Variants in FMN1 observed in about 807,000 individuals in gnomAD.
The protein encoded by FMN1 is formin 1.
In FMN1, 110 loss-of-function variants were observed where a neutral mutation model predicts 132.4. The ratio of observed to expected loss-of-function variants is 0.83; its 90% CI spans 0.71 to 0.97. The LOEUF (loss-of-function observed/expected upper bound fraction) is 0.97. FMN1 is among the 50% of genes least tolerant of loss of function. The pLI, the probability that FMN1 is intolerant of heterozygous loss-of-function variation, is 0.00. For synonymous variants in FMN1, 722 were observed against 651.7 expected (o/e 1.11, Z -1.64); for missense variants, 1,792 against 1,705.3 (o/e 1.05, Z -0.90).
chr15:32,944,235 G>C (rs1398712949), intron 9 of FMN1, among the ~76,000 whole-genome samples: 1 of 152,184 alleles, frequency 6.6e-6, no homozygotes, highest in Non-Finnish European at 1.5e-5. Context: ...CAGTTTCCTT[G>C]GTCCCCTTCT....
intron 4 of FMN1, among the ~76,000 whole-genome samples, chr15:33,104,220 G>C (rs752996335): frequency 6.6e-6 from 1 of 152,076 alleles, no homozygotes; most frequent in Admixed American, 6.6e-5. Context: ...GCACAAATTT[G>C]TCAATAATGG....
chr15:33,081,751 C>T (rs1249874072), intron 5 of FMN1, among the ~76,000 whole-genome samples: 1 of 152,162 alleles, frequency 6.6e-6, no homozygotes, highest in African/African-American at 2.4e-5. Context: ...CTGATTTGTA[C>T]AGTATGTATA....
intron 4 of FMN1, among the ~76,000 whole-genome samples, chr15:33,110,950 C>T (rs345765): frequency 0.71 from 108,095 of 152,006 alleles, 38,770 homozygotes; most frequent in East Asian, 0.85. Context: ...TGCCTTTGTA[C>T]AGCAATTATG....
chr15:33,071,842 T>C (rs1183887601), intron 5 of FMN1, among the ~76,000 whole-genome samples: 1 of 152,228 alleles, frequency 6.6e-6, no homozygotes, highest in African/African-American at 2.4e-5. Flanking sequence ...TAAATTGGTC[T>C]TGAAAAATGA....
chr15:32,961,284 C>A (rs961907062), intron 9 of FMN1, among the ~76,000 whole-genome samples: 1 of 151,996 alleles, frequency 6.6e-6, no homozygotes, highest in African/African-American at 2.4e-5. Context: ...CAGGCGCCCG[C>A]CACCACACCT....
chr15:33,128,289 T>C (rs1448985472), intron 4 of FMN1, among the ~76,000 whole-genome samples: 1 of 152,152 alleles, frequency 6.6e-6, no homozygotes, highest in African/African-American at 2.4e-5. Context: ...AGTTGGGAAT[T>C]TGAACATGGC....
chr15:32,811,418 G>A (rs775136062), intron 17 of FMN1, among the ~76,000 whole-genome samples: 1 of 152,050 alleles, frequency 6.6e-6, no homozygotes, highest in African/African-American at 2.4e-5. Flanking sequence ...GTAGGGTGTA[G>A]GATTTCCAGG....
chr15:33,033,159 T>C (rs1042468383), intron 6 of FMN1, among the ~76,000 whole-genome samples: 1 of 152,064 alleles, frequency 6.6e-6, no homozygotes, highest in Non-Finnish European at 1.5e-5. Context: ...GCCTCCCGAG[T>C]AGCTGGGACT....
chr15:32,804,935 A>G lies in FMN1; in HGVS notation c.3929-603T>C, dbSNP rs148362248. Among the ~76,000 whole-genome samples the G allele has an allele frequency of 8.5e-3, 1,297 of 152,194 alleles. 17 individuals are homozygous for G. Among genetic ancestry groups the G allele is most frequent in the African/African-American group, 0.03 (1,237 of 41,504 alleles). On this transcript the variant is annotated intron_variant, in intron 17 of 20. Transcript: ENST00000616417. ...TTGATGGACATTTGGCTTGGTTCCAAGTCTTTGCTATTGTGAATAGTGCCA... is the reference window on the plus strand; with the variant it reads ...TTGATGGACATTTGGCTTGGTTCCAGGTCTTTGCTATTGTGAATAGTGCCA...
chr15:33,124,847 C>A (rs1962899886), intron 4 of FMN1, among the ~76,000 whole-genome samples: 1 of 133,990 alleles, frequency 7.5e-6, no homozygotes. Flanking sequence ...CATTTTTCTG[C>A]ATTTTTTTTT....
intron 4 of FMN1, among the ~76,000 whole-genome samples, chr15:33,108,452 C>T (rs2039569047): frequency 6.6e-6 from 1 of 152,058 alleles, no homozygotes; most frequent in African/African-American, 2.4e-5. Context: ...TTTTACTCTC[C>T]TTGCCCTCCA....
At position 32,768,933 on chromosome 15, in the gene FMN1, T is replaced by C. The variant is rs138417751; in HGVS notation, c.*5377A>G. ...TGTAATATAAAGTCTGGAGTTCACATGAGCTCTTGACTGAAGGACACGATC... is the reference window on the plus strand; with the variant it reads ...TGTAATATAAAGTCTGGAGTTCACACGAGCTCTTGACTGAAGGACACGATC... On this transcript the variant is annotated 3_prime_UTR_variant, in exon 21 of 21. Coordinates refer to ENST00000616417, the MANE Select transcript of FMN1 (RefSeq NM_001277313.2). 7.4e-4 allele frequency: 112 copies of C among 152,308 alleles called. No individual in the cohort carries two copies. The highest frequency in any genetic ancestry group is 2.5e-3 in the African/African-American group (103 of 41,564). The allele number at this position is 152,308 out of a possible 1,614,324, so 9.4% of individuals were successfully genotyped here.
intron 6 of FMN1, among the ~76,000 whole-genome samples, chr15:33,049,262 G>A (rs2036857064): frequency 6.6e-6 from 1 of 152,124 alleles, no homozygotes; most frequent in East Asian, 1.9e-4. Flanking sequence ...TTTGGACTTA[G>A]CTCATGCATT....
Position 33,055,053 on chromosome 15 carries a change from T to C in FMN1, c.2161+9904A>G, listed in dbSNP as rs529190682. On this transcript the variant is annotated intron_variant, in intron 6 of 20. Transcript: ENST00000616417. ...CCTGAACAACTAGTTCAGGCCATGA[T>C]GGGAAGTGGGGATTGGACAATGCCT... is the stretch of plus-strand genomic sequence containing the variant. Among the ~76,000 whole-genome samples the C allele has an allele frequency of 1.1e-3, 160 of 152,242 alleles. 1 individual carries two copies. Among genetic ancestry groups the C allele is most frequent in the South Asian group, 7.9e-3 (38 of 4,816 alleles).
chr15:32,971,444 T>C (rs1400889996), intron 7 of FMN1, among the ~76,000 whole-genome samples: 31 of 152,184 alleles, frequency 2.0e-4, no homozygotes, highest in Non-Finnish European at 1.5e-5. Context: ...CCTAAGTAAT[T>C]TCGAGCTTCA....
chr15:33,094,685 G>A (rs930946167), intron 4 of FMN1, among the ~76,000 whole-genome samples: 2 of 152,146 alleles, frequency 1.3e-5, no homozygotes, highest in African/African-American at 4.8e-5. Flanking sequence ...GCCTTTAAAT[G>A]AAATAGCATT....
chr15:33,115,651 C>T (rs1211283630), intron 4 of FMN1, among the ~76,000 whole-genome samples: 3 of 152,080 alleles, frequency 2.0e-5, no homozygotes, highest in Non-Finnish European at 4.4e-5. Flanking sequence ...ACAGCACCTG[C>T]ATCAGGTAAT....
chr15:33,153,385 C>T lies in FMN1; in HGVS notation c.1530G>A (p.Gln510=). 2 of 1,536,612 alleles carry T rather than the reference C, an allele frequency of 1.3e-6. No individual in the cohort carries two copies. Among genetic ancestry groups the T allele is most frequent in the Non-Finnish European group, 8.7e-7 (1 of 1,146,988 alleles). Residue 510 remains glutamine (Q), a synonymous_variant, in exon 4 of 21, where the codon CAG becomes CAA. Coordinates refer to ENST00000616417, the MANE Select transcript of FMN1 (RefSeq NM_001277313.2). ...LGKVFNNSAS[Q]SSTHKQTSPV... ...GTGACGTCTGTTTGTGTGTGCTGGACTGCGAGGCTGAATTATTAAACACCT... is the reference window on the plus strand; with the variant it reads ...GTGACGTCTGTTTGTGTGTGCTGGATTGCGAGGCTGAATTATTAAACACCT...
At chr15:33,116,346 C>G (rs2039924793) in intron 4 of FMN1, among the ~76,000 whole-genome samples, 1 of 152,122 alleles carries the variant, frequency 6.6e-6, no homozygotes, top group African/African-American at 2.4e-5. Flanking sequence ...TCACAGCAGC[C>G]AAGTTGCAAC....
Sources: allele counts gnomAD v4.1 joint callset (sites outside exome capture counted in the v4.1 genomes callset), GRCh38; gene constraint gnomAD v4.1.1; transcripts MANE v1.5; gene names NCBI Gene and HGNC (gene_info 2026-07-23, HGNC 2026-07-21).